DOCK1: variants seen among roughly 807,000 people sequenced by gnomAD.
The protein encoded by DOCK1 is dedicator of cytokinesis protein 1.
DOCK1 carries 138 observed loss-of-function variants against 262.7 expected under a neutral mutation model. The ratio of observed to expected loss-of-function variants is 0.53; its 90% CI spans 0.46 to 0.61. DOCK1 has a LOEUF of 0.61. Ranked by LOEUF, DOCK1 falls within the 20% of genes least tolerant of loss-of-function variation. The pLI is 0.00. For missense variants in DOCK1, 1,908 were observed against 2,370.7 expected (o/e 0.80, Z 4.05); for synonymous variants, 866 against 867.4 (o/e 1.00, Z 0.03).
Position 127,248,025 on chromosome 10 carries a change from C to T in DOCK1, c.2865C>T (p.Cys955=), listed in dbSNP as rs777293661. The T allele has an allele frequency of 1.2e-6, 2 of 1,613,750 alleles. No individual in the cohort carries two copies. Among genetic ancestry groups the T allele is most frequent in the African/African-American group, 2.7e-5 (2 of 74,912 alleles). ...ATTTACAGGGAAACTTCGTGGCTTG[C>T]ATGACAGCTATTTTACGACAAATGG... is the stretch of plus-strand genomic sequence containing the variant. ...DSELIGNFVA[C]MTAILRQMED... Residue 955 remains cysteine (C), a synonymous_variant, in exon 28 of 52, where the codon TGC becomes TGT. Coordinates refer to ENST00000623213, the MANE Select transcript of DOCK1 (RefSeq NM_001290223.2).
chr10:126,996,274 G>C (rs566456372), intron 6 of DOCK1, among the ~76,000 whole-genome samples: 1 of 151,442 alleles, frequency 6.6e-6, no homozygotes, highest in African/African-American at 2.4e-5. Flanking sequence ...CAGCTACTCG[G>C]GAGGCTGAGG....
chr10:127,395,350 G>A (rs6482864), intron 38 of DOCK1, among the ~76,000 whole-genome samples: 62,941 of 151,936 alleles, frequency 0.41, 13,743 homozygotes, highest in Middle Eastern at 0.54. Flanking sequence ...CAGGTGTGGC[G>A]GCGCTCTTCC....
In DOCK1 at chr10:127,139,416, A is replaced by G. The variant is rs182192651; in HGVS notation, c.2847+11652A>G. Reference sequence around the variant, plus strand: ...AATTAAAAAAAAAAATTGCCAGAGAAGTTTATGGCTAGTGACCTCCTGCTC... The same window carrying G: ...AATTAAAAAAAAAAATTGCCAGAGAGGTTTATGGCTAGTGACCTCCTGCTC... On this transcript the variant is annotated intron_variant, in intron 27 of 51. Transcript: ENST00000623213. Among the ~76,000 whole-genome samples the G allele has an allele frequency of 5.0e-3, 761 of 152,308 alleles. 10 individuals are homozygous for G. Among genetic ancestry groups the G allele is most frequent in the South Asian group, 0.027 (129 of 4,830 alleles).
At chr10:127,296,989 A>G (rs1040662677) in intron 29 of DOCK1, among the ~76,000 whole-genome samples, 2 of 152,174 alleles carry the variant, frequency 1.3e-5, no homozygotes, top group African/African-American at 4.8e-5. Context: ...CTGTGGCCTC[A>G]TGTGAGCTTG....
intron 38 of DOCK1, among the ~76,000 whole-genome samples, chr10:127,387,669 C>G (rs1173060307): frequency 6.6e-6 from 1 of 152,168 alleles, no homozygotes; most frequent in Non-Finnish European, 1.5e-5. Flanking sequence ...CGTCAATTCC[C>G]CACCATGCAT....
At chr10:127,131,451 A>G (rs1256743797) in intron 27 of DOCK1, among the ~76,000 whole-genome samples, 4 of 152,200 alleles carry the variant, frequency 2.6e-5, no homozygotes, top group African/African-American at 7.2e-5. Context: ...TGAATAAGCT[A>G]TAATCATTTA....
intron 38 of DOCK1, among the ~76,000 whole-genome samples, chr10:127,387,226 T>A (rs754366543): frequency 5.9e-5 from 9 of 152,206 alleles, no homozygotes; most frequent in Admixed American, 1.3e-4. Context: ...CCCTCTGCAT[T>A]CCAGCCACAC....
chr10:127,167,570 C>T (rs146994980), intron 27 of DOCK1, among the ~76,000 whole-genome samples: 64 of 152,198 alleles, frequency 4.2e-4, no homozygotes, highest in South Asian at 2.1e-4. Flanking sequence ...TCTCAGACAT[C>T]TCTATAGAAT....
At chr10:127,370,714 C>T (rs1464905889) in intron 33 of DOCK1, among the ~76,000 whole-genome samples, 2 of 152,156 alleles carry the variant, frequency 1.3e-5, no homozygotes, top group East Asian at 1.9e-4. Flanking sequence ...ATTAACAAGA[C>T]GTCAATATCG....
chr10:126,922,354 A>G (rs894522836), intron 1 of DOCK1, among the ~76,000 whole-genome samples: 10 of 152,116 alleles, frequency 6.6e-5, no homozygotes, highest in South Asian at 2.1e-4. Flanking sequence ...GGGAGAGCCA[A>G]TGCATCACAG....
chr10:127,428,391 T>C (rs2068956041), intron 47 of DOCK1, among the ~76,000 whole-genome samples: 1 of 152,084 alleles, frequency 6.6e-6, no homozygotes, highest in Non-Finnish European at 1.5e-5. Flanking sequence ...TGCTGTGGAT[T>C]GGTGTGCTGT....
At chr10:127,244,073 TTCA>T (rs1274937337) in intron 27 of DOCK1, among the ~76,000 whole-genome samples, 1 of 152,216 alleles carries the variant, frequency 6.6e-6, no homozygotes, top group Non-Finnish European at 1.5e-5. Flanking sequence ...TGCACAATAT[TTCA>T]TCATAACACA....
chr10:127,364,115 T>G (rs955248238), intron 33 of DOCK1, among the ~76,000 whole-genome samples: 1 of 152,184 alleles, frequency 6.6e-6, no homozygotes, highest in Admixed American at 6.5e-5. Context: ...GCCTGCAGGG[T>G]GAGCCCCCAG....
In DOCK1 at chr10:127,125,406, G is replaced by A. The variant is rs1385002006; in HGVS notation, c.2624-68G>A. ...GCAAACTGCTTGAAAGGGCAGACAA[G>A]CTTATAGCAAACACGAGTTGCGTCT... On this transcript the variant is annotated intron_variant, in intron 25 of 51. Transcript: ENST00000623213. 7 of 1,599,904 alleles carry A rather than the reference G, an allele frequency of 4.4e-6. No homozygotes were observed. The Middle Eastern group carries it at 9.0e-4, about 206-fold the overall frequency.
chr10:127,125,467 T>C lies in DOCK1; in HGVS notation c.2624-7T>C, dbSNP rs1333059708. 1.2e-6 allele frequency: 2 copies of C among 1,612,460 alleles called. No individual in the cohort carries two copies. The highest frequency in any genetic ancestry group is 1.7e-5 in the Admixed American group (1 of 60,008). ...CACACTGACTGGCAATGCTGTGTCC[T>C]GTGTAGACTGCAGAGAGATCCTGCT... On this transcript the variant is annotated splice_polypyrimidine_tract_variant and splice_region_variant and intron_variant, in intron 25 of 51. Transcript: ENST00000623213.
intron 1 of DOCK1, among the ~76,000 whole-genome samples, chr10:126,912,699 C>A (rs1428065758): frequency 6.7e-6 from 1 of 149,154 alleles, no homozygotes; most frequent in Non-Finnish European, 1.5e-5. Flanking sequence ...GTACTCCAGC[C>A]TGGGTGACAG....
intron 27 of DOCK1, among the ~76,000 whole-genome samples, chr10:127,202,080 T>G (rs542488063): frequency 6.6e-6 from 1 of 152,264 alleles, no homozygotes; most frequent in East Asian, 1.9e-4. Flanking sequence ...CCGAGCATTT[T>G]GGGAGGCCAA....
At chr10:127,245,112 C>T (rs1290587440) in intron 27 of DOCK1, among the ~76,000 whole-genome samples, 3 of 152,140 alleles carry the variant, frequency 2.0e-5, no homozygotes, top group East Asian at 3.9e-4. Context: ...TTCATGGAAA[C>T]CATAAGGCTT....
chr10:126,929,742 G>T (rs992325872), intron 1 of DOCK1, among the ~76,000 whole-genome samples: 1 of 152,102 alleles, frequency 6.6e-6, no homozygotes, highest in Non-Finnish European at 1.5e-5. Flanking sequence ...GGAAGCAGGC[G>T]GGAGGGCACT....
Sources: allele counts gnomAD v4.1 joint callset (sites outside exome capture counted in the v4.1 genomes callset), GRCh38; gene constraint gnomAD v4.1.1; transcripts MANE v1.5; gene names NCBI Gene and HGNC (gene_info 2026-07-23, HGNC 2026-07-21).